Variants in TRAPPC8 observed in about 807,000 individuals in gnomAD.
TRAPPC8 encodes general sporulation gene 1 homolog.
TRAPPC8 carries 54 observed loss-of-function variants against 174.3 expected under a neutral mutation model. That is an observed-to-expected ratio of 0.31 (90% confidence interval 0.25 to 0.39). The LOEUF is 0.39. TRAPPC8 is among the 10% of genes least tolerant of loss of function. TRAPPC8 has a pLI of 1.00. For missense variants in TRAPPC8, 1,531 were observed against 1,699.1 expected (o/e 0.90, Z 1.74); for synonymous variants, 630 against 579.9 (o/e 1.09, Z -1.24).
rs567176301 is a variant in TRAPPC8, at chr18:31,829,906, C to T, written c.*849G>A. 1 of 152,682 alleles carries T rather than the reference C, an allele frequency of 6.5e-6. No homozygotes were observed. Among genetic ancestry groups the T allele is most frequent in the South Asian group, 2.1e-4 (1 of 4,822 alleles). 9.5% of individuals were successfully genotyped at this position (152,682 alleles called of 1,614,324 possible). ...CTCTGAATAAAAAAATATTTTGAAACCAGACTTTCTAATCAACAGATACTA... is the reference window on the plus strand; with the variant it reads ...CTCTGAATAAAAAAATATTTTGAAATCAGACTTTCTAATCAACAGATACTA... On this transcript the variant is annotated 3_prime_UTR_variant, in exon 29 of 29. Coordinates refer to ENST00000283351, the MANE Select transcript of TRAPPC8 (RefSeq NM_014939.5).
chr18:31,837,159 T>C (rs1300056717), intron 27 of TRAPPC8, among the ~76,000 whole-genome samples: 3 of 152,048 alleles, frequency 2.0e-5, no homozygotes, highest in Admixed American at 1.3e-4. Context: ...ATTAAGACCA[T>C]GACAAAGACT....
chr18:31,876,489 C>CAAAAAAAAAGAAAAA (rs2035154096), intron 12 of TRAPPC8, among the ~76,000 whole-genome samples: 1 of 48,722 alleles, frequency 2.1e-5, no homozygotes, highest in Non-Finnish European at 3.6e-5. Context: ...GACTCCATCT[C>CAAAAAAAAAGAAAAA]AAAAAAAAAA....
At chr18:31,896,633 T>C (rs1249711743) in intron 11 of TRAPPC8, among the ~76,000 whole-genome samples, 4 of 152,186 alleles carry the variant, frequency 2.6e-5, no homozygotes, top group African/African-American at 7.2e-5. Context: ...TTTGTTGTTG[T>C]TGTTGTTGAG....
At chr18:31,938,059 T>C (rs969632609) in intron 1 of TRAPPC8, among the ~76,000 whole-genome samples, 2 of 152,178 alleles carry the variant, frequency 1.3e-5, no homozygotes, top group African/African-American at 2.4e-5. Flanking sequence ...ATAACCCACA[T>C]ACTTCCAAGT....
intron 11 of TRAPPC8, among the ~76,000 whole-genome samples, chr18:31,892,115 A>C (rs2035976543): frequency 6.6e-6 from 1 of 152,238 alleles, no homozygotes. Context: ...TTTTCTTTTT[A>C]GAAATTATTA....
In TRAPPC8 at chr18:31,943,042, T is replaced by C; in HGVS notation, c.-278A>G. 1.8e-6 allele frequency: 1 copy of C among 544,834 alleles called. No homozygotes were observed. Among genetic ancestry groups the C allele is most frequent in the Middle Eastern group, 5.3e-4 (1 of 1,902 alleles). 33.7% of individuals were successfully genotyped at this position (544,834 alleles called of 1,614,324 possible). A position where few individuals can be genotyped will look rare whatever the true frequency, so the allele number is the denominator to read the frequency against. ...GGTGGAGACGCCGACAGTCACCACT[T>C]AGTCCTTCGGACGGCAAAACCTTGG... On this transcript the variant is annotated 5_prime_UTR_variant, in exon 1 of 29. Coordinates refer to ENST00000283351, the MANE Select transcript of TRAPPC8 (RefSeq NM_014939.5).
At chr18:31,900,842 G>C in intron 10 of TRAPPC8, 83 bp downstream of exon 10, 1 of 1,043,790 alleles carries the variant, frequency 9.6e-7, no homozygotes, top group Admixed American at 2.8e-5. Flanking sequence ...CTTGATTTGG[G>C]AGTTTAGGAA....
rs1269120629 is a variant in TRAPPC8, at chr18:31,931,530, A to AG, written c.158-8dup. Reference sequence around the variant, plus strand: ...TTAGGATCTCTCATGTGAACTTTAAAGAAAAAAAGAAAAAAACTTGAAATT... The same window carrying AG: ...TTAGGATCTCTCATGTGAACTTTAAAGGAAAAAAAGAAAAAAACTTGAAATT... On this transcript the variant is annotated splice_polypyrimidine_tract_variant and splice_region_variant and intron_variant, in intron 1 of 28. Transcript: ENST00000283351. The AG allele has an allele frequency of 6.5e-7, 1 of 1,532,120 alleles. No homozygotes were observed. The highest frequency in any genetic ancestry group is 2.3e-5 in the East Asian group (1 of 43,666). 94.9% of individuals were successfully genotyped at this position (1,532,120 alleles called of 1,614,324 possible). A position where few individuals can be genotyped will look rare whatever the true frequency, so the allele number is the denominator to read the frequency against.
chr18:31,904,432 T>C (rs1370323970), intron 9 of TRAPPC8, among the ~76,000 whole-genome samples: 2 of 152,040 alleles, frequency 1.3e-5, no homozygotes, highest in Admixed American at 6.5e-5. Context: ...GCCTGTAATG[T>C]CAGCTATTCG....
chr18:31,889,231 G>T (rs994215964), intron 12 of TRAPPC8, among the ~76,000 whole-genome samples: 1 of 152,102 alleles, frequency 6.6e-6, no homozygotes, highest in Admixed American at 6.5e-5. Context: ...AGGTGATTAC[G>T]AAGCCAGATA....
At chr18:31,919,182 T>C (rs911962327) in intron 2 of TRAPPC8, among the ~76,000 whole-genome samples, 3 of 152,152 alleles carry the variant, frequency 2.0e-5, no homozygotes, top group Non-Finnish European at 2.9e-5. Flanking sequence ...CACGATTTCA[T>C]GTTCATCGTT....
At chr18:31,876,489 C>CAAGAAAAAAAAAAAAA (rs550806669) in intron 12 of TRAPPC8, among the ~76,000 whole-genome samples, 8 of 48,718 alleles carry the variant, frequency 1.6e-4, no homozygotes, top group African/African-American at 6.6e-4. Context: ...GACTCCATCT[C>CAAGAAAAAAAAAAAAA]AAAAAAAAAA....
chr18:31,927,295 C>A (rs2037658193), intron 2 of TRAPPC8, among the ~76,000 whole-genome samples: 1 of 151,890 alleles, frequency 6.6e-6, no homozygotes, highest in African/African-American at 2.4e-5. Context: ...TTGAGACTCA[C>A]TCTGTTGCCC....
chr18:31,840,451 T>C (rs2033029798), intron 26 of TRAPPC8, among the ~76,000 whole-genome samples: 1 of 152,016 alleles, frequency 6.6e-6, no homozygotes, highest in Non-Finnish European at 1.5e-5. Context: ...AACATCCCAT[T>C]TCTACTATTA....
chr18:31,849,690 G>A lies in TRAPPC8; in HGVS notation c.3611C>T (p.Ser1204Phe). ...AGCTTGTGGTTTTTTCAATTCAGAA[G>A]ATAAACTTCGATAAAAGAAGTCTGC... ...PCADFFYRSL[S>F]SELKKPQAHL... is the part of the protein sequence containing the mutation. Residue 1204 changes from serine to phenylalanine, a missense_variant, in exon 25 of 29, where the codon TCT becomes TTT. Ser to Phe is a radical substitution (Grantham distance 155, BLOSUM62 -2). Transcript: ENST00000283351. 2.5e-6 allele frequency: 4 copies of A among 1,611,176 alleles called. No homozygotes were observed. Among genetic ancestry groups the A allele is most frequent in the Non-Finnish European group, 3.4e-6 (4 of 1,178,588 alleles).
intron 1 of TRAPPC8, among the ~76,000 whole-genome samples, chr18:31,939,200 C>A (rs1439655850): frequency 6.6e-6 from 1 of 150,540 alleles, no homozygotes; most frequent in East Asian, 2.0e-4. Flanking sequence ...AAAACTAAAA[C>A]CAAGAAAAAT....
rs2036451688 is a variant in TRAPPC8 at position 31,902,054 on chromosome 18, C to T, written c.1390-1029G>A. On this transcript the variant is annotated intron_variant, in intron 9 of 28. Transcript: ENST00000283351. Reference sequence around the variant, plus strand: ...AACTGGCCGGGTGTGGTGACGCATGCCTGTAATCCCAGCACTTTGGGAGGC... The same window carrying T: ...AACTGGCCGGGTGTGGTGACGCATGTCTGTAATCCCAGCACTTTGGGAGGC... Among the ~76,000 whole-genome samples the T allele has an allele frequency of 1.3e-5, 2 of 152,200 alleles. 1 individual carries two copies. The highest frequency in any genetic ancestry group is 4.1e-4 in the South Asian group (2 of 4,828).
intron 12 of TRAPPC8, among the ~76,000 whole-genome samples, chr18:31,886,889 G>A (rs1185064355): frequency 6.6e-6 from 1 of 152,120 alleles, no homozygotes; most frequent in African/African-American, 2.4e-5. Flanking sequence ...GCCGAGGCAG[G>A]AGAATCACTT....
chr18:31,859,723 G>A (rs542686842), intron 19 of TRAPPC8, among the ~76,000 whole-genome samples: 1 of 152,232 alleles, frequency 6.6e-6, no homozygotes, highest in South Asian at 2.1e-4. Context: ...ACACTATTTT[G>A]ACTCTTTAAG....
Sources: allele counts gnomAD v4.1 joint callset (sites outside exome capture counted in the v4.1 genomes callset), GRCh38; gene constraint gnomAD v4.1.1; transcripts MANE v1.5; gene names NCBI Gene and HGNC (gene_info 2026-07-23, HGNC 2026-07-21).